Variants in LPGAT1 observed in about 807,000 individuals in gnomAD.
The protein encoded by LPGAT1 is acyl-CoA:lysophosphatidylglycerol acyltransferase 1.
LPGAT1 carries 11 observed loss-of-function variants against 47.5 expected under a neutral mutation model. The ratio of observed to expected loss-of-function variants is 0.23; its 90% CI spans 0.15 to 0.38. The LOEUF (loss-of-function observed/expected upper bound fraction) is 0.38. Among genes scored for constraint, LPGAT1 ranks in the 10% least tolerant of loss-of-function variants. The pLI is 1.00. For missense variants in LPGAT1, 293 were observed against 439.0 expected, an observed-to-expected ratio of 0.67 and a Z score of 2.97; for synonymous variants, 138 against 144.2, an observed-to-expected ratio of 0.96 and a Z score of 0.31.
intron 6 of LPGAT1, among the ~76,000 whole-genome samples, chr1:211,773,036 G>A (rs1399326951): frequency 6.6e-6 from 1 of 152,120 alleles, no homozygotes; most frequent in Non-Finnish European, 1.5e-5. Context: ...CTGTGCAGAT[G>A]TAATTTTAAT....
chr1:211,799,958 C>G, intron 2 of LPGAT1, among the ~76,000 whole-genome samples: 1 of 152,020 alleles, frequency 6.6e-6, no homozygotes, highest in East Asian at 1.9e-4. Context: ...ACATTCAATC[C>G]ATCTCTAAGT....
At chr1:211,800,563 G>A (rs992630127) in intron 2 of LPGAT1, among the ~76,000 whole-genome samples, 1 of 152,184 alleles carries the variant, frequency 6.6e-6, no homozygotes, top group Non-Finnish European at 1.5e-5. Context: ...TTTAGTTTAA[G>A]TTAAACTTGT....
intron 6 of LPGAT1, among the ~76,000 whole-genome samples, chr1:211,764,306 T>C (rs1290303009): frequency 2.0e-5 from 3 of 152,238 alleles, no homozygotes; most frequent in African/African-American, 7.2e-5. Flanking sequence ...TTCTCAGCTT[T>C]GCACCCAGTG....
At chr1:211,819,231 T>C (rs968847971) in intron 2 of LPGAT1, among the ~76,000 whole-genome samples, 10 of 152,244 alleles carry the variant, frequency 6.6e-5, no homozygotes, top group Middle Eastern at 3.4e-3. Flanking sequence ...CGGTGGCTCA[T>C]GCTTATAATC....
intron 6 of LPGAT1, among the ~76,000 whole-genome samples, chr1:211,772,109 T>A (rs1658198263): frequency 6.6e-6 from 1 of 152,198 alleles, no homozygotes; most frequent in South Asian, 2.1e-4. Flanking sequence ...ACCGGGAATT[T>A]ATTTTGGTAT....
intron 6 of LPGAT1, among the ~76,000 whole-genome samples, chr1:211,770,068 T>C (rs548465255): frequency 1.3e-5 from 2 of 152,324 alleles, no homozygotes; most frequent in Non-Finnish European, 2.9e-5. Flanking sequence ...CTTTGAAGAA[T>C]ACATGATATT....
chr1:211,769,599 A>G (rs894893538), intron 6 of LPGAT1, among the ~76,000 whole-genome samples: 1 of 152,208 alleles, frequency 6.6e-6, no homozygotes, highest in Non-Finnish European at 1.5e-5. Context: ...AGCAGCCTTG[A>G]TGGCTGCTGG....
At chr1:211,808,681 C>T (rs958792304) in intron 2 of LPGAT1, among the ~76,000 whole-genome samples, 1 of 152,138 alleles carries the variant, frequency 6.6e-6, no homozygotes, top group Admixed American at 6.5e-5. Context: ...TGAAGTTAAA[C>T]ATACATTTAC....
At position 211,830,357 on chromosome 1, in the gene LPGAT1, C is replaced by CA. The variant is rs1660692759; in HGVS notation, c.-28+215dup. 8.7e-7 allele frequency: 1 copy of CA among 1,154,840 alleles called. No homozygotes were observed. Among genetic ancestry groups the CA allele is most frequent in the African/African-American group, 1.6e-5 (1 of 61,648 alleles). The allele number at this position is 1,154,840 out of a possible 1,614,324, so 71.5% of individuals were successfully genotyped here. On this transcript the variant is annotated intron_variant, in intron 1 of 7. Coordinates refer to ENST00000366997, the MANE Select transcript of LPGAT1 (RefSeq NM_014873.3). This position sits in a 1 kb window ranked among gnomAD's most constrained non-coding sequence, Gnocchi z 5.9. ...TGCGGACAGAGGGACGGCGGGGACT[C>CA]AGAGGCCGGACCTGTCACCCGGGCG... is the stretch of plus-strand genomic sequence containing the variant.
chr1:211,772,136 T>G (rs1308770624), intron 6 of LPGAT1, among the ~76,000 whole-genome samples: 1 of 152,146 alleles, frequency 6.6e-6, no homozygotes, highest in African/African-American at 2.4e-5. Context: ...TGGAGTAAAA[T>G]TCTAACTTTT....
chr1:211,822,399 A>G (rs1242674292), intron 2 of LPGAT1, among the ~76,000 whole-genome samples: 1 of 152,224 alleles, frequency 6.6e-6, no homozygotes, highest in Admixed American at 6.5e-5. Flanking sequence ...GGGATGGAGA[A>G]GAACAAAAAT....
At chr1:211,806,259 C>CAA (rs141014104) in intron 2 of LPGAT1, among the ~76,000 whole-genome samples, 2,752 of 88,174 alleles carry the variant, frequency 0.031, 100 homozygotes, top group African/African-American at 0.11. Flanking sequence ...GGGTCTGTCT[C>CAA]AAAAAAAAAA....
intron 2 of LPGAT1, among the ~76,000 whole-genome samples, chr1:211,808,482 A>G (rs1659846981): frequency 6.6e-6 from 1 of 152,240 alleles, no homozygotes; most frequent in Admixed American, 6.5e-5. Flanking sequence ...AAAGATGTTC[A>G]ACATCATTAG....
intron 2 of LPGAT1, among the ~76,000 whole-genome samples, chr1:211,806,858 AT>A (rs1659782003): frequency 6.6e-6 from 1 of 152,186 alleles, no homozygotes; most frequent in Non-Finnish European, 1.5e-5. Flanking sequence ...AGTATTTAGA[AT>A]GCTTCTCCCT....
At chr1:211,823,230 G>A (rs1571771105) in intron 2 of LPGAT1, among the ~76,000 whole-genome samples, 1 of 152,148 alleles carries the variant, frequency 6.6e-6, no homozygotes, top group South Asian at 2.1e-4. Flanking sequence ...AACAAAAGGA[G>A]AAGTGATAAC....
intron 2 of LPGAT1, among the ~76,000 whole-genome samples, chr1:211,811,794 A>G (rs1406029969): frequency 4.3e-5 from 4 of 93,946 alleles, no homozygotes; most frequent in African/African-American, 1.2e-4. Context: ...TGGGCGACAG[A>G]GTGAGACTCT....
intron 6 of LPGAT1, among the ~76,000 whole-genome samples, chr1:211,775,613 T>C (rs930187283): frequency 5.9e-5 from 9 of 152,146 alleles, no homozygotes; most frequent in African/African-American, 2.2e-4. Context: ...TAATCTGTAC[T>C]TTCAACTGGG....
chr1:211,824,497 A>G (rs1247270755), intron 2 of LPGAT1, among the ~76,000 whole-genome samples: 1 of 152,196 alleles, frequency 6.6e-6, no homozygotes, highest in East Asian at 1.9e-4. Flanking sequence ...AGATCCATCA[A>G]GTGGGCCCAG....
intron 2 of LPGAT1, among the ~76,000 whole-genome samples, chr1:211,800,601 AT>A (rs1209722240): frequency 6.6e-6 from 1 of 152,190 alleles, no homozygotes; most frequent in African/African-American, 2.4e-5. Context: ...AGCTAGTGGC[AT>A]TTTGGGTGAA....
Sources: gnomAD v4.1 joint callset for allele counts (sites outside exome capture counted in the v4.1 genomes callset) on GRCh38, gnomAD v4.1.1 for gene constraint, Gnocchi (gnomAD v3.1) non-coding constraint, MANE v1.5 for transcripts, NCBI Gene and HGNC (gene_info 2026-07-23, HGNC 2026-07-21) for gene names.